Variants in DSCAM observed in about 807,000 individuals in gnomAD.
DSCAM encodes the protein cell adhesion molecule DSCAM.
A neutral mutation model predicts 217.7 loss-of-function variants in DSCAM; 47 were observed. The ratio of observed to expected loss-of-function variants is 0.22; its 90% CI spans 0.17 to 0.28. DSCAM has a LOEUF of 0.28. Among genes scored for constraint, DSCAM ranks in the 10% least tolerant of loss-of-function variants. DSCAM has a pLI of 1.00. For synonymous variants in DSCAM, 1,056 were observed against 1,015.3 expected (o/e 1.04, Z -0.76); for missense variants, 2,080 against 2,618.3 (o/e 0.79, Z 4.49).
chr21:40,467,575 A>G (rs925242667), intron 3 of DSCAM, among the ~76,000 whole-genome samples: 1 of 152,178 alleles, frequency 6.6e-6, no homozygotes, highest in Non-Finnish European at 1.5e-5. Context: ...AGGAAGTGTA[A>G]GAGAAGAATC....
intron 11 of DSCAM, among the ~76,000 whole-genome samples, chr21:40,248,966 C>T (rs914568112): frequency 6.6e-6 from 1 of 152,108 alleles, no homozygotes; most frequent in Non-Finnish European, 1.5e-5. Flanking sequence ...CCTGATAAAC[C>T]CATCAGATCT....
intron 19 of DSCAM, among the ~76,000 whole-genome samples, chr21:40,133,493 A>G (rs2090174668): frequency 6.6e-6 from 1 of 152,204 alleles, no homozygotes. Context: ...CAGAGTTTAC[A>G]CTAATAGCTG....
chr21:40,219,168 G>A (rs780579817), intron 11 of DSCAM, among the ~76,000 whole-genome samples: 27 of 152,222 alleles, frequency 1.8e-4, no homozygotes, highest in Non-Finnish European at 3.2e-4. Context: ...CTAGTTTATT[G>A]AGAGTTTTGA....
At chr21:40,456,417 A>C (rs2075763886) in intron 3 of DSCAM, among the ~76,000 whole-genome samples, 1 of 152,116 alleles carries the variant, frequency 6.6e-6, no homozygotes, top group Non-Finnish European at 1.5e-5. Flanking sequence ...AAGAAAACAA[A>C]ATGTTATACC....
rs2090801330 is a variant in DSCAM, at chr21:40,713,153, A to G, written c.44-4382T>C. On this transcript the variant is annotated intron_variant, in intron 1 of 32. Transcript: ENST00000400454. Reference sequence around the variant, plus strand: ...ACCTCCTTGGGGATGTTGGCAGATGATATCTACCTGACAGGTCCACTACTG... The same window carrying G: ...ACCTCCTTGGGGATGTTGGCAGATGGTATCTACCTGACAGGTCCACTACTG... 3.9e-5 allele frequency among the ~76,000 whole-genome samples: 6 copies of G among 152,330 alleles called. 1 individual carries two copies. In the South Asian group the frequency reaches 1.2e-3, roughly 32 times the overall value.
At chr21:40,756,985 G>A (rs2091283098) in intron 1 of DSCAM, among the ~76,000 whole-genome samples, 1 of 151,666 alleles carries the variant, frequency 6.6e-6, no homozygotes, top group South Asian at 2.1e-4. Flanking sequence ...TCGTGTGTGT[G>A]TGTGTGTGTG....
intron 32 of DSCAM, among the ~76,000 whole-genome samples, chr21:40,041,034 A>T (rs575778791): frequency 6.6e-6 from 1 of 152,190 alleles, no homozygotes; most frequent in Non-Finnish European, 1.5e-5. Context: ...TCTTTATTGG[A>T]TGCTGGCATG....
intron 20 of DSCAM, among the ~76,000 whole-genome samples, chr21:40,110,874 A>G (rs973005912): frequency 1.3e-5 from 2 of 152,208 alleles, no homozygotes; most frequent in African/African-American, 4.8e-5. Flanking sequence ...AAAAAAGAAT[A>G]AAAAGAAATG....
intron 21 of DSCAM, among the ~76,000 whole-genome samples, chr21:40,090,554 G>C (rs1381368764): frequency 6.6e-6 from 1 of 152,116 alleles, no homozygotes; most frequent in African/African-American, 2.4e-5. Flanking sequence ...AGCCTCACCT[G>C]ACCACTCCCT....
intron 3 of DSCAM, among the ~76,000 whole-genome samples, chr21:40,480,569 C>G (rs961283611): frequency 1.3e-5 from 2 of 152,224 alleles, no homozygotes; most frequent in Non-Finnish European, 2.9e-5. Flanking sequence ...TTACTTATCT[C>G]TCACGTACAT....
At chr21:40,732,417 T>C (rs1266938541) in intron 1 of DSCAM, among the ~76,000 whole-genome samples, 1 of 152,190 alleles carries the variant, frequency 6.6e-6, no homozygotes, top group East Asian at 1.9e-4. Flanking sequence ...GACTCAGCAA[T>C]ATCTAGTCTC....
intron 2 of DSCAM, among the ~76,000 whole-genome samples, chr21:40,698,136 A>T (rs2090615271): frequency 1.3e-5 from 2 of 152,246 alleles, no homozygotes; most frequent in South Asian, 4.1e-4. Context: ...TACTTTGATT[A>T]CACACACATG....
intron 19 of DSCAM, among the ~76,000 whole-genome samples, chr21:40,126,882 C>T (rs553326859): frequency 3.3e-5 from 5 of 152,270 alleles, no homozygotes; most frequent in East Asian, 1.9e-4. Flanking sequence ...TTGAAGAACA[C>T]GGCATTTTGG....
At chr21:40,837,844 C>T (rs991385638) in intron 1 of DSCAM, among the ~76,000 whole-genome samples, 1 of 152,196 alleles carries the variant, frequency 6.6e-6, no homozygotes, top group Non-Finnish European at 1.5e-5. Flanking sequence ...CCTAAAGTCT[C>T]ACAGGTAATA....
intron 9 of DSCAM, among the ~76,000 whole-genome samples, chr21:40,296,517 T>C (rs2073955801): frequency 6.6e-6 from 1 of 152,078 alleles, no homozygotes; most frequent in African/African-American, 2.4e-5. Flanking sequence ...CAATGGAAAA[T>C]TGAATCAGAA....
In DSCAM at chr21:40,042,342, A is replaced by AC. The variant is rs1246704137; in HGVS notation, c.5686+28dup. On this transcript the variant is annotated intron_variant, in intron 32 of 32. Transcript: ENST00000400454. ...CCAGGAAGGTGCACTTCCCTAAGCG[A>AC]CGGCCCCCAGGTGGCCTTGCTCACC... 4 of 1,604,372 alleles carry AC rather than the reference A, an allele frequency of 2.5e-6. No homozygotes were observed. The African/African-American group carries it at 5.3e-5, about 21-fold the overall frequency.
chr21:40,365,893 AATCAAGACC>A (rs1207335614), intron 4 of DSCAM, among the ~76,000 whole-genome samples: 2 of 152,218 alleles, frequency 1.3e-5, no homozygotes, highest in African/African-American at 4.8e-5. Context: ...CTAGCACAGA[AATCAAGACC>A]ATTTTAAAAA....
intron 32 of DSCAM, among the ~76,000 whole-genome samples, chr21:40,015,777 T>A (rs2088146629): frequency 6.6e-6 from 1 of 152,164 alleles, no homozygotes; most frequent in Non-Finnish European, 1.5e-5. Flanking sequence ...TTCAAGGCTT[T>A]AATATATCCC....
At chr21:40,152,165 C>G (rs2090430217) in intron 16 of DSCAM, among the ~76,000 whole-genome samples, 2 of 152,036 alleles carry the variant, frequency 1.3e-5, no homozygotes, top group Admixed American at 1.3e-4. Flanking sequence ...CCCTTCTACT[C>G]CTATTTAAGA....
Sources: allele counts gnomAD v4.1 joint callset (sites outside exome capture counted in the v4.1 genomes callset), GRCh38; gene constraint gnomAD v4.1.1; transcripts MANE v1.5; gene names NCBI Gene and HGNC (gene_info 2026-07-23, HGNC 2026-07-21).